ADAMTS2: variants seen among roughly 807,000 people sequenced by gnomAD.
ADAMTS2 encodes the protein ADAM metallopeptidase with thrombospondin type 1 motif 2.
In ADAMTS2, 50 loss-of-function variants were observed where a neutral mutation model predicts 123.0. The observed-to-expected ratio is 0.41, with a 90% CI of 0.32 to 0.51. The LOEUF is 0.51. Ranked by LOEUF, ADAMTS2 falls within the 20% of genes least tolerant of loss-of-function variation. The pLI, the probability that ADAMTS2 is intolerant of heterozygous loss-of-function variation, is 0.35. For synonymous variants in ADAMTS2, 678 were observed against 695.4 expected (o/e 0.98, Z 0.39); for missense variants, 1,494 against 1,705.2 (o/e 0.88, Z 2.18).
At chr5:179,150,740 G>A (rs1763338458) in intron 10 of ADAMTS2, 2 of 152,566 alleles carry the variant, frequency 1.3e-5, no homozygotes, top group Admixed American at 6.5e-5. Context: ...ACAGAAAGCA[G>A]GTTGGTGCTA....
chr5:179,239,216 G>C lies in ADAMTS2; in HGVS notation c.689-31501C>G, dbSNP rs150291338. 3.3e-3 allele frequency among the ~76,000 whole-genome samples: 497 copies of C among 152,292 alleles called. 1 individual carries two copies. The highest frequency in any genetic ancestry group is 7.7e-3 in the South Asian group (37 of 4,818). On this transcript the variant is annotated intron_variant, in intron 3 of 21. Transcript: ENST00000251582. ...CCAAAGTCATCAGAAGAGGACAAAG[G>C]CTTGACGCAAGTGACAACCGTGGAG...
intron 3 of ADAMTS2, among the ~76,000 whole-genome samples, chr5:179,208,135 G>C (rs1457063480): frequency 9.5e-6 from 1 of 105,732 alleles, no homozygotes; most frequent in Non-Finnish European, 2.6e-5. Context: ...GCTGGAGTGG[G>C]CAGAGCCACC....
rs1394174886 is a variant in ADAMTS2 at position 179,284,172 on chromosome 5, C to T, written c.535-11108G>A. ...GGTGAAACCCCGTCTCTACTAAAAA[C>T]ACAAAAATTAGCCGGGCTTGGTGGT... On this transcript the variant is annotated intron_variant, in intron 2 of 21. Transcript: ENST00000251582. Among the ~76,000 whole-genome samples the T allele has an allele frequency of 1.6e-4, 24 of 150,004 alleles. 1 individual carries two copies. Among genetic ancestry groups the T allele is most frequent in the Non-Finnish European group, 3.0e-4 (20 of 67,550 alleles).
chr5:179,342,598 G>A (rs539197132), intron 2 of ADAMTS2, among the ~76,000 whole-genome samples: 4 of 152,364 alleles, frequency 2.6e-5, no homozygotes, highest in South Asian at 2.1e-4. Flanking sequence ...GCCCGAGTAC[G>A]GGCGTGCTCA....
intron 3 of ADAMTS2, among the ~76,000 whole-genome samples, chr5:179,252,843 ATGGTTGGATTC>A (rs1367602124): frequency 1.3e-5 from 2 of 152,242 alleles, no homozygotes; most frequent in Non-Finnish European, 2.9e-5. Context: ...TTGGAAAAAA[ATGGTTGGATTC>A]TCTCAAAAAT....
chr5:179,345,228 G>GGCGGCGGCGGCGGCAGGA lies in ADAMTS2; in HGVS notation c.100_101insTCCTGCCGCCGCCGCCGC (p.Pro33_Pro34insLeuLeuProProProPro). 31 of 1,082,018 alleles carry GGCGGCGGCGGCGGCAGGA rather than the reference G, an allele frequency of 2.9e-5. No homozygotes were observed. The highest frequency in any genetic ancestry group is 3.3e-5 in the Non-Finnish European group (29 of 890,438). 67.0% of individuals were successfully genotyped at this position (1,082,018 alleles called of 1,614,324 possible). A position where few individuals can be genotyped will look rare whatever the true frequency, so the allele number is the denominator to read the frequency against. On this transcript the variant is annotated inframe_insertion, in exon 1 of 22. Transcript: ENST00000251582. This position sits in a 1 kb window ranked among gnomAD's most constrained non-coding sequence, Gnocchi z 7.5. ...GGCGGCGGCGAGCCTGGCGTTCGCGGGCGGCGGCGGCGGCGGCAGGAGCGG... is the reference window on the plus strand; with the variant it reads ...GGCGGCGGCGAGCCTGGCGTTCGCGGGCGGCGGCGGCGGCAGGAGCGGCGGCGGCGGCGGCAGGAGCGG...
At chr5:179,223,576 GCA>G (rs1022300011) in intron 3 of ADAMTS2, among the ~76,000 whole-genome samples, 23 of 62,494 alleles carry the variant, frequency 3.7e-4, no homozygotes, top group Non-Finnish European at 5.5e-4. Context: ...GAATGCACTC[GCA>G]CACGCATGCA....
rs1315370956 is a variant in ADAMTS2 at position 179,307,383 on chromosome 5, T to A, written c.535-34319A>T. 1.3e-5 allele frequency among the ~76,000 whole-genome samples: 2 copies of A among 152,026 alleles called. No homozygotes were observed. The highest frequency in any genetic ancestry group is 4.8e-5 in the African/African-American group (2 of 41,380). Reference sequence around the variant, plus strand: ...TGCTCAGCACTCCAGGACAGCTCCATGACACAGAAGCAGCTCTGCCCATGA... The same window carrying A: ...TGCTCAGCACTCCAGGACAGCTCCAAGACACAGAAGCAGCTCTGCCCATGA... On this transcript the variant is annotated intron_variant, in intron 2 of 21. Transcript: ENST00000251582. The surrounding 1 kb of genome is among the most constrained non-coding windows in gnomAD (Gnocchi z 5.6).
In ADAMTS2 at chr5:179,180,747, A is replaced by C. The variant is rs538336742; in HGVS notation, c.975+325T>G. Among the ~76,000 whole-genome samples, 11 of 152,142 alleles carry C rather than the reference A, an allele frequency of 7.2e-5. No homozygotes were observed. The highest frequency in any genetic ancestry group is 2.4e-4 in the African/African-American group (10 of 41,514). On this transcript the variant is annotated intron_variant, in intron 5 of 21. Transcript: ENST00000251582. This position sits in a 1 kb window ranked among gnomAD's most constrained non-coding sequence, Gnocchi z 4.6. ...GGTCCTTCCTGCAGAAACAACATGG[A>C]CTCAGGCTGCTGTTTACCCAATTCC...
chr5:179,178,542 C>G (rs916183237), intron 5 of ADAMTS2, among the ~76,000 whole-genome samples: 1 of 152,266 alleles, frequency 6.6e-6, no homozygotes, highest in African/African-American at 2.4e-5. Flanking sequence ...GCTTTCCTTT[C>G]TGCCAGGAGA....
At chr5:179,230,167 C>T (rs1013790947) in intron 3 of ADAMTS2, among the ~76,000 whole-genome samples, 1 of 152,110 alleles carries the variant, frequency 6.6e-6, no homozygotes, top group Admixed American at 6.5e-5. Flanking sequence ...GTGGTCCCGG[C>T]GGGAGGAGGG....
At chr5:179,315,299 G>T (rs1356425091) in intron 2 of ADAMTS2, among the ~76,000 whole-genome samples, 1 of 152,204 alleles carries the variant, frequency 6.6e-6, no homozygotes, top group Non-Finnish European at 1.5e-5. Flanking sequence ...GCCACAGTTG[G>T]CTTCTGGAAA....
intron 4 of ADAMTS2, among the ~76,000 whole-genome samples, chr5:179,199,402 T>A (rs1451088316): frequency 1.3e-5 from 2 of 152,188 alleles, no homozygotes; most frequent in Non-Finnish European, 2.9e-5. Context: ...GTCTGGTGGA[T>A]GGCTGGCCAG....
chr5:179,183,848 A>G (rs1171278934), intron 4 of ADAMTS2, among the ~76,000 whole-genome samples: 1 of 152,182 alleles, frequency 6.6e-6, no homozygotes, highest in East Asian at 1.9e-4. Context: ...AGATGAGTTC[A>G]TGGGGGTGGG....
At position 179,258,821 on chromosome 5, in the gene ADAMTS2, C is replaced by T. The variant is rs566283861; in HGVS notation, c.688+14090G>A. On this transcript the variant is annotated intron_variant, in intron 3 of 21. Transcript: ENST00000251582. ...TGTGATCTGGGTCCTCCCAGCCTCA[C>T]GGTGATTTGGAATGGGAATACGGTT... Among the ~76,000 whole-genome samples, 169 of 152,222 alleles carry T rather than the reference C, an allele frequency of 1.1e-3. 1 individual carries two copies. Among genetic ancestry groups the T allele is most frequent in the Non-Finnish European group, 2.5e-4 (17 of 68,004 alleles).
At chr5:179,194,594 T>A (rs1038562301) in intron 4 of ADAMTS2, among the ~76,000 whole-genome samples, 1 of 151,872 alleles carries the variant, frequency 6.6e-6, no homozygotes, top group Non-Finnish European at 1.5e-5. Context: ...TGCTAGGGGA[T>A]TTGGGAGCTC....
At chr5:179,152,284 T>A in intron 9 of ADAMTS2, 29 bp from the exon 10 acceptor site, 2 of 1,608,614 alleles carry the variant, frequency 1.2e-6, no homozygotes, top group Non-Finnish European at 1.7e-6. Flanking sequence ...GCTTGCCAGG[T>A]CCCTCCCACC....
chr5:179,127,573 C>T (rs1017531357), intron 17 of ADAMTS2, among the ~76,000 whole-genome samples: 7 of 152,198 alleles, frequency 4.6e-5, no homozygotes, highest in South Asian at 2.1e-4. Flanking sequence ...TCCCAGTGAA[C>T]GGAGAGAGAA....
chr5:179,235,586 C>G (rs1178008644), intron 3 of ADAMTS2, among the ~76,000 whole-genome samples: 3 of 152,184 alleles, frequency 2.0e-5, no homozygotes, highest in Non-Finnish European at 4.4e-5. Flanking sequence ...TAGGAGAGGG[C>G]CTTGTTCCCA....
Sources: allele counts gnomAD v4.1 joint callset (sites outside exome capture counted in the v4.1 genomes callset), GRCh38; gene constraint gnomAD v4.1.1; non-coding constraint Gnocchi (gnomAD v3.1); transcripts MANE v1.5; gene names NCBI Gene and HGNC (gene_info 2026-07-23, HGNC 2026-07-21).